DLGAP1: variants seen among roughly 807,000 people sequenced by gnomAD.
DLGAP1 encodes DLG associated protein 1, also known as disks large-associated protein 1.
Under a neutral mutation model 90.8 loss-of-function variants are expected in DLGAP1, and 11 were observed. The observed-to-expected ratio is 0.12, with a 90% CI of 0.08 to 0.20. The LOEUF (loss-of-function observed/expected upper bound fraction) is 0.20. Ranked by LOEUF, DLGAP1 falls within the 10% of genes least tolerant of loss-of-function variation. DLGAP1 has a pLI of 1.00. For missense variants in DLGAP1, 1,050 were observed against 1,333.8 expected (o/e 0.79, Z 3.31); for synonymous variants, 558 against 540.7 (o/e 1.03, Z -0.44).
chr18:4,137,745 C>A (rs1367372175), intron 2 of DLGAP1, among the ~76,000 whole-genome samples: 2 of 152,082 alleles, frequency 1.3e-5, no homozygotes, highest in Non-Finnish European at 2.9e-5. Flanking sequence ...AATGTTGATT[C>A]TTCCATCCTA....
At chr18:3,583,143 G>GACCTACCTACCTACCTACCT (rs764967145) in intron 7 of DLGAP1, among the ~76,000 whole-genome samples, 4 of 113,610 alleles carry the variant, frequency 3.5e-5, no homozygotes, top group Non-Finnish European at 8.1e-5. Flanking sequence ...CTGACTGACC[G>GACCTACCTACCTACCTACCT]ACCTACCTAC....
At chr18:3,826,616 TGA>T (rs1235749450) in intron 4 of DLGAP1, among the ~76,000 whole-genome samples, 1 of 150,456 alleles carries the variant, frequency 6.6e-6, no homozygotes, top group East Asian at 2.0e-4. Flanking sequence ...TGGAGTGGAG[TGA>T]GAGGTGGCAG....
At chr18:3,789,374 C>A (rs1363838516) in intron 5 of DLGAP1, among the ~76,000 whole-genome samples, 1 of 152,162 alleles carries the variant, frequency 6.6e-6, no homozygotes, top group African/African-American at 2.4e-5. Context: ...AGGGAGCCAT[C>A]CAGAAAAAGC....
chr18:4,327,872 T>C (rs746643459), intron 1 of DLGAP1, among the ~76,000 whole-genome samples: 12 of 151,992 alleles, frequency 7.9e-5, no homozygotes, highest in Non-Finnish European at 1.2e-4. Flanking sequence ...GGAATCAGTA[T>C]ATACCATGCC....
chr18:4,179,914 C>T (rs1305964840), intron 1 of DLGAP1, among the ~76,000 whole-genome samples: 13 of 152,112 alleles, frequency 8.5e-5, no homozygotes, highest in Admixed American at 8.5e-4. Context: ...GGCATAATGG[C>T]ATGAACTTTA....
At chr18:3,616,844 ATAAT>A (rs1204146350) in intron 7 of DLGAP1, among the ~76,000 whole-genome samples, 4 of 152,264 alleles carry the variant, frequency 2.6e-5, no homozygotes, top group African/African-American at 9.6e-5. Flanking sequence ...TGATTTGCCT[ATAAT>A]TAAGACAATT....
intron 12 of DLGAP1, 148 bp downstream of exon 12, chr18:3,502,345 A>G: frequency 2.1e-6 from 3 of 1,437,608 alleles, no homozygotes; most frequent in South Asian, 1.6e-5. Flanking sequence ...AATGATTACT[A>G]TGTAAACATT....
At chr18:4,285,822 C>A (rs2079675822) in intron 1 of DLGAP1, among the ~76,000 whole-genome samples, 1 of 152,204 alleles carries the variant, frequency 6.6e-6, no homozygotes, top group Non-Finnish European at 1.5e-5. Context: ...CAGGTGCAAA[C>A]TCCTAAGTCA....
intron 5 of DLGAP1, among the ~76,000 whole-genome samples, chr18:3,808,721 G>A (rs143602308): frequency 1.4e-3 from 207 of 152,116 alleles, no homozygotes; most frequent in Middle Eastern, 6.8e-3. Context: ...AGGAAAACGA[G>A]GAGCAGTAGG....
intron 1 of DLGAP1, among the ~76,000 whole-genome samples, chr18:4,343,199 C>T (rs754096518): frequency 5.3e-5 from 8 of 150,292 alleles, no homozygotes; most frequent in Non-Finnish European, 1.0e-4. Flanking sequence ...CCCAGCTACT[C>T]GGGAGGCTGA....
intron 5 of DLGAP1, among the ~76,000 whole-genome samples, chr18:3,806,133 A>G (rs1437517744): frequency 6.6e-6 from 1 of 152,208 alleles, no homozygotes; most frequent in Non-Finnish European, 1.5e-5. Flanking sequence ...CTGCATGCAT[A>G]AGAAGAATTT....
At chr18:4,134,005 A>AG (rs2076359849) in intron 2 of DLGAP1, among the ~76,000 whole-genome samples, 1 of 146,412 alleles carries the variant, frequency 6.8e-6, no homozygotes, top group East Asian at 1.9e-4. Context: ...TAAAAAAAAA[A>AG]GGAGAAGTCA....
At chr18:3,946,295 G>A (rs1241442003) in intron 3 of DLGAP1, among the ~76,000 whole-genome samples, 2 of 152,116 alleles carry the variant, frequency 1.3e-5, no homozygotes, top group East Asian at 3.9e-4. Flanking sequence ...ACAATGTGGT[G>A]GACAGACATG....
intron 3 of DLGAP1, chr18:3,995,566 A>G (rs1279710729): frequency 6.6e-6 from 1 of 152,078 alleles, no homozygotes; most frequent in Non-Finnish European, 1.5e-5. Context: ...ACGTAACTTC[A>G]CAAAGTAAAG....
chr18:3,763,804 G>A (rs756134855), intron 5 of DLGAP1, among the ~76,000 whole-genome samples: 1 of 151,946 alleles, frequency 6.6e-6, no homozygotes, highest in African/African-American at 2.4e-5. Flanking sequence ...TCGGATTACA[G>A]GCATGCACCA....
intron 2 of DLGAP1, among the ~76,000 whole-genome samples, chr18:4,105,472 CTCACT>C (rs1209821625): frequency 2.6e-5 from 4 of 152,202 alleles, no homozygotes; most frequent in Non-Finnish European, 5.9e-5. Context: ...TAGTCTAAAT[CTCACT>C]TCACATTACT....
intron 1 of DLGAP1, among the ~76,000 whole-genome samples, chr18:4,263,833 A>G (rs1031596252): frequency 2.6e-5 from 4 of 152,114 alleles, no homozygotes; most frequent in African/African-American, 7.2e-5. Flanking sequence ...GTTACTTCAG[A>G]ACATTAAACT....
intron 1 of DLGAP1, chr18:4,430,784 T>C (rs1043889303): frequency 6.6e-6 from 1 of 152,034 alleles, no homozygotes; most frequent in African/African-American, 2.4e-5. Flanking sequence ...CAGCTGCCAT[T>C]AGGAATTTAA....
At chr18:4,447,504 T>C (rs912514452) in intron 1 of DLGAP1, among the ~76,000 whole-genome samples, 1 of 151,850 alleles carries the variant, frequency 6.6e-6, no homozygotes, top group Non-Finnish European at 1.5e-5. Context: ...AACACAAAAC[T>C]CAGTGGGCTG....
Sources: gnomAD v4.1 joint callset for allele counts (sites outside exome capture counted in the v4.1 genomes callset) on GRCh38, gnomAD v4.1.1 for gene constraint, MANE v1.5 for transcripts, NCBI Gene and HGNC (gene_info 2026-07-23, HGNC 2026-07-21) for gene names.